CAMTA1: variants seen among roughly 807,000 people sequenced by gnomAD.
The protein encoded by CAMTA1 is calmodulin-binding transcription activator 1.
CAMTA1 carries 27 observed loss-of-function variants against 170.9 expected under a neutral mutation model. That is an observed-to-expected ratio of 0.16 (90% confidence interval 0.12 to 0.22). CAMTA1 has a LOEUF of 0.22. CAMTA1 is among the 10% of genes least tolerant of loss of function. The probability of loss-of-function intolerance (pLI) is 1.00; values close to 1 mark genes in which losing one functional copy is unlikely to be tolerated. For missense variants in CAMTA1, 1,619 were observed against 2,217.2 expected (o/e 0.73, Z 5.42); for synonymous variants, 833 against 891.5 (o/e 0.93, Z 1.17).
intron 3 of CAMTA1, chr1:6,834,580 C>A: frequency 5.3e-6 from 1 of 188,042 alleles, no homozygotes; most frequent in South Asian, 1.1e-4. Flanking sequence ...ATGTGTGTGT[C>A]CTATTGCAAC....
chr1:6,799,654 C>T (rs1047139812), intron 1 of CAMTA1, among the ~76,000 whole-genome samples: 7 of 152,078 alleles, frequency 4.6e-5, no homozygotes, highest in African/African-American at 1.4e-4. Flanking sequence ...GTTTTCCTAG[C>T]GATGACCTCG....
intron 3 of CAMTA1, among the ~76,000 whole-genome samples, chr1:6,998,868 C>T (rs1402733781): frequency 6.6e-6 from 1 of 152,158 alleles, no homozygotes; most frequent in Non-Finnish European, 1.5e-5. Context: ...ACATTTATGA[C>T]ATTATTTAAA....
At chr1:7,055,589 G>A (rs150129004) in intron 3 of CAMTA1, among the ~76,000 whole-genome samples, 116 of 152,316 alleles carry the variant, frequency 7.6e-4, no homozygotes, top group African/African-American at 2.6e-3. Context: ...CTTCTGTGCC[G>A]GATGCCATGG....
chr1:6,915,687 G>A (rs1390137550), intron 3 of CAMTA1, among the ~76,000 whole-genome samples: 3 of 152,216 alleles, frequency 2.0e-5, no homozygotes, highest in Non-Finnish European at 2.9e-5. Flanking sequence ...AGCAGAAGCA[G>A]CAGCCGGCCT....
chr1:7,639,132 C>A (rs1007996896), intron 6 of CAMTA1, among the ~76,000 whole-genome samples: 3 of 152,144 alleles, frequency 2.0e-5, no homozygotes, highest in Non-Finnish European at 2.9e-5. Context: ...GCGCCCGCCA[C>A]CATGCCCGGC....
rs989525104 is a variant in CAMTA1 at position 7,232,170 on chromosome 1, G to T, written c.303-17321G>T. Reference sequence around the variant, plus strand: ...CCCTCCAGCCCTTTGTCTCTGGCCTGTGTGGCTGGGGGACACCACGTGGTT... The same window carrying T: ...CCCTCCAGCCCTTTGTCTCTGGCCTTTGTGGCTGGGGGACACCACGTGGTT... On this transcript the variant is annotated intron_variant, in intron 4 of 22. Transcript: ENST00000303635. 3.3e-5 allele frequency among the ~76,000 whole-genome samples: 5 copies of T among 152,298 alleles called. No homozygotes were observed. In the East Asian group the frequency reaches 9.7e-4, roughly 29 times the overall value.
chr1:7,454,336 G>A (rs1193246), intron 5 of CAMTA1, among the ~76,000 whole-genome samples: 111,063 of 152,148 alleles, frequency 0.73, 40,713 homozygotes, highest in East Asian at 0.8. Flanking sequence ...AGTGCCCCGT[G>A]TCTGGGGAAA....
intron 6 of CAMTA1, among the ~76,000 whole-genome samples, chr1:7,498,269 TGTGTGA>T (rs1023129280): frequency 2.8e-5 from 4 of 143,740 alleles, no homozygotes; most frequent in African/African-American, 1.1e-4. Context: ...TGAGAGAGCG[TGTGTGA>T]GTGTGAGCGT....
At chr1:7,381,840 C>T (rs845209) in intron 5 of CAMTA1, among the ~76,000 whole-genome samples, 133,431 of 144,658 alleles carry the variant, frequency 0.92, 61,572 homozygotes, top group East Asian at 0.99. Flanking sequence ...TTTTAATGAT[C>T]GCCATTCTAA....
At chr1:7,252,672 G>A (rs540621972) in intron 5 of CAMTA1, among the ~76,000 whole-genome samples, 5 of 152,310 alleles carry the variant, frequency 3.3e-5, no homozygotes, top group African/African-American at 9.6e-5. Flanking sequence ...TCTTCATCAC[G>A]TCAGGCACGG....
chr1:7,599,469 C>T (rs562675834), intron 6 of CAMTA1, among the ~76,000 whole-genome samples: 1 of 152,234 alleles, frequency 6.6e-6, no homozygotes, highest in South Asian at 2.1e-4. Flanking sequence ...TTTTCCAATT[C>T]TGTGAAGAAA....
chr1:6,921,267 CA>C (rs1681949262), intron 3 of CAMTA1, among the ~76,000 whole-genome samples: 1 of 151,684 alleles, frequency 6.6e-6, no homozygotes, highest in Admixed American at 6.5e-5. Flanking sequence ...CTAAATGTGG[CA>C]AGATGCCACT....
At chr1:7,699,095 T>A (rs1457401787) in intron 11 of CAMTA1, among the ~76,000 whole-genome samples, 4 of 152,242 alleles carry the variant, frequency 2.6e-5, no homozygotes, top group African/African-American at 9.6e-5. Flanking sequence ...TTCTCCTTTG[T>A]CTATGTGTGT....
intron 3 of CAMTA1, among the ~76,000 whole-genome samples, chr1:6,894,760 G>A (rs12057346): frequency 6.6e-6 from 1 of 152,138 alleles, no homozygotes. Context: ...AACATTTCAG[G>A]ATATAAGAAT....
intron 1 of CAMTA1, among the ~76,000 whole-genome samples, chr1:6,797,051 T>C (rs746113714): frequency 1.3e-5 from 2 of 152,246 alleles, no homozygotes; most frequent in East Asian, 1.9e-4. Flanking sequence ...ACCACTTTGA[T>C]TGATACCCAG....
intron 6 of CAMTA1, among the ~76,000 whole-genome samples, chr1:7,493,242 C>T (rs1004904172): frequency 2.0e-5 from 3 of 151,194 alleles, no homozygotes; most frequent in Admixed American, 6.6e-5. Context: ...CGTACAATCA[C>T]GCACACACAA....
chr1:7,400,715 G>A (rs368980899), intron 5 of CAMTA1, among the ~76,000 whole-genome samples: 26 of 152,306 alleles, frequency 1.7e-4, no homozygotes, highest in African/African-American at 6.3e-4. Context: ...GGTAGGCACA[G>A]TAGTAATCTC....
chr1:7,728,038 A>G (rs1004071408), intron 11 of CAMTA1, among the ~76,000 whole-genome samples: 3 of 152,230 alleles, frequency 2.0e-5, no homozygotes, highest in Admixed American at 2.0e-4. Context: ...GCCGTTATGC[A>G]TGATATGATT....
rs766305103 is a variant in CAMTA1, at chr1:7,661,800, A to G, written c.739A>G (p.Ile247Val). ...CTCGGTGGAACAGCTGGTGCAGCAG[A>G]TCCTCGACAGCCACCAGACCAAGCC... is the stretch of plus-strand genomic sequence containing the variant. Reference protein sequence around the residue: ...GFSVEQLVQQILDSHQTKPQP... With the variant: ...GFSVEQLVQQVLDSHQTKPQP... The change falls in exon 8 of 23, where the codon ATC becomes GTC. Residue 247 changes from isoleucine (I) to valine (V), a missense_variant. Transcript: ENST00000303635. 6.2e-7 allele frequency: 1 copy of G among 1,613,568 alleles called. No homozygotes were observed. Among genetic ancestry groups the G allele is most frequent in the South Asian group, 1.1e-5 (1 of 91,024 alleles).
Sources: gnomAD v4.1 joint callset for allele counts (sites outside exome capture counted in the v4.1 genomes callset) on GRCh38, gnomAD v4.1.1 for gene constraint, MANE v1.5 for transcripts, NCBI Gene and HGNC (gene_info 2026-07-23, HGNC 2026-07-21) for gene names.